Variants in COL27A1 observed in about 807,000 individuals in gnomAD.
COL27A1 encodes collagen type XXVII alpha 1 chain.
Under a neutral mutation model 251.3 loss-of-function variants are expected in COL27A1, and 106 were observed. The observed-to-expected ratio is 0.42, with a 90% CI of 0.36 to 0.50. The LOEUF (loss-of-function observed/expected upper bound fraction) is 0.50, where lower values mean the gene tolerates loss of function less well. Ranked by LOEUF, COL27A1 falls within the 20% of genes least tolerant of loss-of-function variation. The pLI is 0.00. For synonymous variants in COL27A1, 1,000 were observed against 986.3 expected (o/e 1.01, Z -0.26); for missense variants, 2,325 against 2,522.8 (o/e 0.92, Z 1.68).
intron 14 of COL27A1, among the ~76,000 whole-genome samples, chr9:114,227,049 G>A (rs977865273): frequency 1.3e-5 from 2 of 152,192 alleles, no homozygotes; most frequent in Non-Finnish European, 2.9e-5. Context: ...ATGGCACTCC[G>A]GGTATAGGAA....
intron 36 of COL27A1, 83 bp downstream of exon 36, chr9:114,270,864 C>T: frequency 9.7e-7 from 1 of 1,036,176 alleles, no homozygotes; most frequent in Non-Finnish European, 1.5e-6. Flanking sequence ...CTCCCAGAAA[C>T]ACTGTGTTCC....
intron 37 of COL27A1, among the ~76,000 whole-genome samples, chr9:114,278,726 C>T (rs188138544): frequency 1.6e-4 from 24 of 151,854 alleles, no homozygotes; most frequent in Admixed American, 5.9e-4. Flanking sequence ...TCCCATTTCT[C>T]ATATGCCGGG....
intron 41 of COL27A1, 124 bp downstream of exon 41, chr9:114,284,901 C>T: frequency 9.9e-7 from 1 of 1,010,204 alleles, no homozygotes; most frequent in Non-Finnish European, 1.5e-6. Flanking sequence ...GGCTCACCCC[C>T]TGCAGCAGCC....
intron 27 of COL27A1, among the ~76,000 whole-genome samples, chr9:114,253,291 G>GAA (rs1359502479): frequency 6.9e-5 from 9 of 131,260 alleles, no homozygotes; most frequent in African/African-American, 2.3e-4. Flanking sequence ...GAAAGAGACA[G>GAA]AGAAAAAGAA....
chr9:114,301,313 G>A lies in COL27A1; in HGVS notation c.4785G>A (p.Gly1595=). The change falls in exon 53 of 61, where the codon GGG becomes GGA. Residue 1595 remains glycine (G), a synonymous_variant. Transcript: ENST00000356083. ...PGPKGDKGSR[G]DWGLQGPRGP... is the part of the protein sequence containing the mutation. ...CGAAGGGTGACAAAGGCAGCCGTGG[G>A]GACTGGGTAAGTGGATGGGCTGGGG... 6.2e-7 allele frequency: 1 copy of A among 1,613,640 alleles called. No individual in the cohort carries two copies. Among genetic ancestry groups the A allele is most frequent in the Non-Finnish European group, 8.5e-7 (1 of 1,179,822 alleles).
chr9:114,254,426 T>A (rs1216638345), intron 27 of COL27A1, among the ~76,000 whole-genome samples: 1 of 151,982 alleles, frequency 6.6e-6, no homozygotes, highest in Non-Finnish European at 1.5e-5. Flanking sequence ...TTGCTTCAGA[T>A]CCCTGTTTCT....
chr9:114,211,594 G>C (rs755269884), intron 12 of COL27A1, among the ~76,000 whole-genome samples: 28 of 152,316 alleles, frequency 1.8e-4, no homozygotes, highest in Non-Finnish European at 3.1e-4. Context: ...CCCTTTGTTT[G>C]GACATGTGCA....
chr9:114,193,591 TC>T (rs1828899107), intron 5 of COL27A1, among the ~76,000 whole-genome samples: 1 of 152,048 alleles, frequency 6.6e-6, no homozygotes, highest in Non-Finnish European at 1.5e-5. Context: ...CCTTTCCTTC[TC>T]CTAGCCTCAG....
intron 7 of COL27A1, among the ~76,000 whole-genome samples, chr9:114,201,845 G>A (rs1045310674): frequency 1.3e-5 from 2 of 152,164 alleles, no homozygotes; most frequent in Non-Finnish European, 2.9e-5. Flanking sequence ...GTGGCTTTGT[G>A]GCTCTTCTAG....
chr9:114,176,437 A>G (rs571527709), intron 3 of COL27A1, among the ~76,000 whole-genome samples: 1 of 151,948 alleles, frequency 6.6e-6, no homozygotes, highest in South Asian at 2.1e-4. Context: ...GTTATAGATT[A>G]TCTGTCGGCT....
At chr9:114,217,441 G>A (rs1386068450) in intron 12 of COL27A1, among the ~76,000 whole-genome samples, 1 of 152,184 alleles carries the variant, frequency 6.6e-6, no homozygotes, top group African/African-American at 2.4e-5. Context: ...AGCCTGGAAT[G>A]GCCTCTGAAT....
At chr9:114,244,279 G>A (rs1251727645) in intron 23 of COL27A1, among the ~76,000 whole-genome samples, 1 of 152,150 alleles carries the variant, frequency 6.6e-6, no homozygotes, top group Non-Finnish European at 1.5e-5. Flanking sequence ...AGTGGACAGG[G>A]ATTATCTCTG....
At chr9:114,225,461 C>G (rs1296688297) in intron 14 of COL27A1, among the ~76,000 whole-genome samples, 1 of 152,198 alleles carries the variant, frequency 6.6e-6, no homozygotes, top group East Asian at 1.9e-4. Flanking sequence ...TCTCCTGTAA[C>G]TGGGGGATCA....
At chr9:114,262,459 C>T (rs892914573) in intron 28 of COL27A1, among the ~76,000 whole-genome samples, 1 of 152,192 alleles carries the variant, frequency 6.6e-6, no homozygotes, top group African/African-American at 2.4e-5. Context: ...AGGGACTGAG[C>T]CCAGATTCCC....
At chr9:114,309,759 C>T (rs1019538220) in intron 60 of COL27A1, among the ~76,000 whole-genome samples, 17 of 152,286 alleles carry the variant, frequency 1.1e-4, no homozygotes, top group African/African-American at 3.8e-4. Context: ...AAAGAAGATA[C>T]ATTTCTTCTT....
intron 2 of COL27A1, among the ~76,000 whole-genome samples, chr9:114,167,082 C>G (rs1264372873): frequency 6.6e-6 from 1 of 152,182 alleles, no homozygotes; most frequent in African/African-American, 2.4e-5. Context: ...ACATCTTTAC[C>G]AAGCTCTGGT....
chr9:114,270,917 G>C, intron 36 of COL27A1, 136 bp downstream of exon 36: 2 of 725,268 alleles, frequency 2.8e-6, no homozygotes, highest in Non-Finnish European at 4.7e-6. Flanking sequence ...ATTGACAGCA[G>C]CTTGGGGAAG....
intron 3 of COL27A1, among the ~76,000 whole-genome samples, chr9:114,177,986 C>T (rs999006732): frequency 2.0e-5 from 3 of 152,142 alleles, no homozygotes; most frequent in African/African-American, 4.8e-5. Flanking sequence ...AGTAAGATAG[C>T]GGTCTTTAAA....
intron 21 of COL27A1, among the ~76,000 whole-genome samples, chr9:114,241,009 T>G (rs1166949145): frequency 6.6e-6 from 1 of 152,236 alleles, no homozygotes; most frequent in Non-Finnish European, 1.5e-5. Flanking sequence ...CTGTCAACTC[T>G]GTGCTTCCTG....
Sources: allele counts gnomAD v4.1 joint callset (sites outside exome capture counted in the v4.1 genomes callset), GRCh38; gene constraint gnomAD v4.1.1; transcripts MANE v1.5; gene names NCBI Gene and HGNC (gene_info 2026-07-23, HGNC 2026-07-21).